LAMB4: variants seen among roughly 807,000 people sequenced by gnomAD.
LAMB4 encodes laminin subunit beta-4.
Under a neutral mutation model 199.2 loss-of-function variants are expected in LAMB4, and 196 were observed. The ratio of observed to expected loss-of-function variants is 0.98; its 90% confidence interval spans 0.88 to 1.11. LAMB4 has a LOEUF of 1.11. Ranked by LOEUF, LAMB4 falls within the 50% of genes least tolerant of loss-of-function variation. LAMB4 has a pLI of 0.00. For synonymous variants in LAMB4, 744 were observed against 770.6 expected, an observed-to-expected ratio of 0.97 and a Z score of 0.57; for missense variants, 2,080 against 2,171.2, an observed-to-expected ratio of 0.96 and a Z score of 0.83.
At chr7:108,089,695 CT>C (rs773767938) in intron 14 of LAMB4, among the ~76,000 whole-genome samples, 41 of 152,194 alleles carry the variant, frequency 2.7e-4, no homozygotes, top group Non-Finnish European at 5.1e-4. Context: ...CATGGTCTTG[CT>C]CTGTTACCTA....
rs902909971 is a variant in LAMB4, at chr7:108,035,779, G to C, written c.4680-1433C>G. ...TATTTTCAACTTCCTGTTCAGTTTG[G>C]ATGTTACCTGCTTTTTAAAAAGCAT... On this transcript the variant is annotated intron_variant, in intron 30 of 33. Transcript: ENST00000388781. Among the ~76,000 whole-genome samples the C allele has an allele frequency of 2.0e-5, 3 of 151,394 alleles. No homozygotes were observed. In the East Asian group the frequency reaches 5.8e-4, roughly 29 times the overall value.
chr7:108,062,974 C>T lies in LAMB4; in HGVS notation c.3082G>A (p.Gly1028Ser), dbSNP rs1299564647. ...GGGGGACACTCCATGGGACTCACGC[C>T]GGAAGCATGGCAGGAGCATCCTGTG... ...TCRRCSCHAS[G>S]VSPMECPPGG... The change falls in exon 23 of 34, where the codon GGC (glycine) becomes AGC (serine). Residue 1028 changes from glycine (G) to serine (S), a missense_variant. Coordinates refer to ENST00000388781, the MANE Select transcript of LAMB4 (RefSeq NM_007356.3). 11 of 1,578,386 alleles carry T rather than the reference C, an allele frequency of 7.0e-6. No individual in the cohort carries two copies. The highest frequency in any genetic ancestry group is 1.9e-5 in the Admixed American group (1 of 52,202).
At chr7:108,029,364 G>C (rs768017977) in intron 32 of LAMB4, among the ~76,000 whole-genome samples, 168 bp from the exon 33 acceptor site, 9 of 152,038 alleles carry the variant, frequency 5.9e-5, no homozygotes, top group Non-Finnish European at 1.3e-4. Context: ...TTGCATGTTT[G>C]TTTTTTCAGA....
intron 11 of LAMB4, among the ~76,000 whole-genome samples, chr7:108,096,115 T>A (rs1384931618): frequency 3.3e-5 from 5 of 152,212 alleles, no homozygotes; most frequent in Admixed American, 2.6e-4. Context: ...AGAACGCTTT[T>A]CATCCTACAA....
At chr7:108,050,030 G>A (rs934032342) in intron 26 of LAMB4, among the ~76,000 whole-genome samples, 9 of 152,208 alleles carry the variant, frequency 5.9e-5, no homozygotes, top group Admixed American at 1.3e-4. Context: ...AATAATTAAC[G>A]TTTTAGGCTT....
In LAMB4 at chr7:108,117,748, G is replaced by T. The variant is rs114581342; in HGVS notation, c.35-1587C>A. Among the ~76,000 whole-genome samples the T allele has an allele frequency of 7.9e-3, 1,207 of 152,272 alleles. 12 individuals carry two copies. The highest frequency in any genetic ancestry group is 0.027 in the African/African-American group (1,134 of 41,550). On this transcript the variant is annotated intron_variant, in intron 2 of 33. Coordinates refer to ENST00000388781, the MANE Select transcript of LAMB4 (RefSeq NM_007356.3). ...TTGCCCATTTTTACAGTTATTTCTCGATGATATTCTAAACAAGGGGTGGAT... is the reference window on the plus strand; with the variant it reads ...TTGCCCATTTTTACAGTTATTTCTCTATGATATTCTAAACAAGGGGTGGAT...
intron 25 of LAMB4, among the ~76,000 whole-genome samples, chr7:108,053,393 T>A (rs1162858193): frequency 6.6e-6 from 1 of 152,200 alleles, no homozygotes; most frequent in African/African-American, 2.4e-5. Flanking sequence ...TTTTTTTTAA[T>A]AGAACTACAT....
intron 14 of LAMB4, among the ~76,000 whole-genome samples, chr7:108,089,850 G>T (rs2037330346): frequency 6.6e-6 from 1 of 152,156 alleles, no homozygotes; most frequent in South Asian, 2.1e-4. Flanking sequence ...TGTTTTTGTA[G>T]ATATGGGACC....
intron 9 of LAMB4, among the ~76,000 whole-genome samples, chr7:108,104,090 C>A (rs544601066): frequency 6.6e-6 from 1 of 152,272 alleles, no homozygotes; most frequent in East Asian, 1.9e-4. Context: ...GGCCTCATTT[C>A]TCCTATTATC....
At chr7:108,122,324 G>T (rs2038629948) in intron 2 of LAMB4, among the ~76,000 whole-genome samples, 1 of 152,204 alleles carries the variant, frequency 6.6e-6, no homozygotes. Context: ...GTCCTGGGAT[G>T]TGGAGGATGA....
At chr7:108,121,008 T>C (rs547764809) in intron 2 of LAMB4, among the ~76,000 whole-genome samples, 1 of 152,334 alleles carries the variant, frequency 6.6e-6, no homozygotes, top group South Asian at 2.1e-4. Flanking sequence ...GAAATGTAAA[T>C]AGTTAAAGTT....
chr7:108,127,796 A>C (rs1391277106), intron 1 of LAMB4, among the ~76,000 whole-genome samples: 1 of 152,182 alleles, frequency 6.6e-6, no homozygotes, highest in African/African-American at 2.4e-5. Flanking sequence ...ATGGCTCCTC[A>C]GTAGTAAGAC....
At position 108,034,341 on chromosome 7, in the gene LAMB4, G is replaced by A. The variant is rs571865369; in HGVS notation, c.4685C>T (p.Ala1562Val). 2.5e-6 allele frequency: 4 copies of A among 1,604,842 alleles called. No individual in the cohort carries two copies. The East Asian group carries it at 6.7e-5, about 27-fold the overall frequency. ...LLVKAKAAEK[A>V]ANILLNLDKT... ...GTCAAGATTTAATAGAATATTTGCT[G>A]CTTTCCTAAGGTAAGATATTAACAT... The change falls in exon 31 of 34, where the codon GCA (alanine) becomes GTA (valine). Residue 1562 changes from alanine to valine, a missense_variant. Transcript: ENST00000388781.
chr7:108,119,792 C>G (rs920315032), intron 2 of LAMB4, among the ~76,000 whole-genome samples: 1 of 152,010 alleles, frequency 6.6e-6, no homozygotes, highest in African/African-American at 2.4e-5. Flanking sequence ...CTGAATAAGG[C>G]CTGTGAATGA....
Position 108,106,042 on chromosome 7 carries a change from G to T in LAMB4, c.656-11C>A. On this transcript the variant is annotated splice_polypyrimidine_tract_variant and intron_variant, in intron 7 of 33. Transcript: ENST00000388781. ...TCAATGTCACAAGGTCTAAAGAAAG[G>T]AAAATAATGAATCAAAGTGAATTTG... 3.8e-6 allele frequency: 6 copies of T among 1,598,480 alleles called. No homozygotes were observed. The highest frequency in any genetic ancestry group is 5.1e-6 in the Non-Finnish European group (6 of 1,165,842).
Position 108,098,574 on chromosome 7 carries a change from A to G in LAMB4, c.1189T>C (p.Cys397Arg), listed in dbSNP as rs372265884. 2 of 1,597,656 alleles carry G rather than the reference A, an allele frequency of 1.3e-6. No homozygotes were observed. The highest frequency in any genetic ancestry group is 2.3e-5 in the South Asian group (2 of 88,218). ...CCAGATATGGTCCCATCGGGGTCAC[A>G]TTCACAAGCTGGGGACACAGACATT... ...SDPYACIPCE[C>R]DPDGTISGGI... Residue 397 changes from cysteine to arginine, a missense_variant, in exon 11 of 34, where the codon TGT becomes CGT. By Grantham distance (180) the Cys-to-Arg change is radical (BLOSUM62 -3). Coordinates refer to ENST00000388781, the MANE Select transcript of LAMB4 (RefSeq NM_007356.3).
chr7:108,044,845 G>A (rs960102114), intron 28 of LAMB4, among the ~76,000 whole-genome samples: 4 of 151,388 alleles, frequency 2.6e-5, no homozygotes, highest in African/African-American at 9.7e-5. Flanking sequence ...TCCAGCTACT[G>A]GGGAGGCTGA....
Position 108,058,881 on chromosome 7 carries a change from TC to T in LAMB4, c.3283-954del, listed in dbSNP as rs565650655. ...CATGTTGGCCAGGCTGGTCTCGAAC[TC>T]CTGACCTCAAGCGACCCACCTGCCT... On this transcript the variant is annotated intron_variant, in intron 23 of 33. Coordinates refer to ENST00000388781, the MANE Select transcript of LAMB4 (RefSeq NM_007356.3). Among the ~76,000 whole-genome samples the T allele has an allele frequency of 1.5e-3, 232 of 152,246 alleles. 1 individual carries two copies. The highest frequency in any genetic ancestry group is 5.2e-3 in the African/African-American group (216 of 41,536).
chr7:108,045,924 G>T (rs553517583), intron 28 of LAMB4, among the ~76,000 whole-genome samples: 302 of 151,742 alleles, frequency 2.0e-3, no homozygotes, highest in South Asian at 6.7e-3. Flanking sequence ...GGATATAGGG[G>T]GTGTGTGTGT....
Sources: gnomAD v4.1 joint callset for allele counts (sites outside exome capture counted in the v4.1 genomes callset) on GRCh38, gnomAD v4.1.1 for gene constraint, MANE v1.5 for transcripts, NCBI Gene and HGNC (gene_info 2026-07-23, HGNC 2026-07-21) for gene names.